AFG2A: variants seen among roughly 807,000 people sequenced by gnomAD.
The protein encoded by AFG2A is ATPase family gene 2 protein homolog A.
chr4:123,076,860 TC>T, the AFG2A span, among the ~76,000 whole-genome samples: 2,059 of 152,136 alleles, frequency 0.014, 49 homozygotes, highest in African/African-American at 0.047. Flanking sequence ...AATACTCCCA[TC>T]TAGATGTTTC....
chr4:123,157,641 G>T, the AFG2A span, among the ~76,000 whole-genome samples: 22 of 152,254 alleles, frequency 1.4e-4, no homozygotes, highest in East Asian at 9.7e-4. Flanking sequence ...GAGATTGAGC[G>T]TGTTCGGGGT....
At chr4:123,183,059 T>A in the AFG2A span, among the ~76,000 whole-genome samples, 1 of 152,204 alleles carries the variant, frequency 6.6e-6, no homozygotes, top group African/African-American at 2.4e-5. Flanking sequence ...CCAGACTTAT[T>A]AAATCAGAAT....
chr4:123,132,425 C>T, the AFG2A span, among the ~76,000 whole-genome samples: 4 of 151,868 alleles, frequency 2.6e-5, no homozygotes, highest in East Asian at 1.9e-4. Context: ...GTGATGTTTT[C>T]AGAGTTCATC....
At chr4:123,038,208 T>C in the AFG2A span, among the ~76,000 whole-genome samples, 4 of 152,112 alleles carry the variant, frequency 2.6e-5, no homozygotes, top group Admixed American at 2.6e-4. Flanking sequence ...GACAAATTAC[T>C]TCACCTCTTT....
At chr4:123,154,546 A>T in the AFG2A span, among the ~76,000 whole-genome samples, 2 of 152,178 alleles carry the variant, frequency 1.3e-5, no homozygotes, top group Non-Finnish European at 2.9e-5. Flanking sequence ...AAGAGTAAAA[A>T]CTGTCTGAAT....
chr4:123,062,547 A>G, the AFG2A span, among the ~76,000 whole-genome samples: 9 of 150,972 alleles, frequency 6.0e-5, no homozygotes, highest in African/African-American at 2.0e-4. Context: ...AGCTCTTACT[A>G]TGTAAGATAT....
At chr4:122,964,735 G>T in the AFG2A span, among the ~76,000 whole-genome samples, 2 of 152,224 alleles carry the variant, frequency 1.3e-5, no homozygotes, top group South Asian at 4.2e-4. Flanking sequence ...AAGTGATAGA[G>T]GGTTTGGAAT....
At chr4:123,031,121 A>C in the AFG2A span, among the ~76,000 whole-genome samples, 1 of 152,116 alleles carries the variant, frequency 6.6e-6, no homozygotes, top group African/African-American at 2.4e-5. Flanking sequence ...ATGTATGAGA[A>C]AATGGAGCCA....
chr4:122,959,874 C>T, the AFG2A span, among the ~76,000 whole-genome samples: 1 of 152,064 alleles, frequency 6.6e-6, no homozygotes, highest in African/African-American at 2.4e-5. Flanking sequence ...AACTTTGTTC[C>T]CATAATGAAT....
At chr4:123,288,039 G>GA in the AFG2A span, among the ~76,000 whole-genome samples, 1 of 152,018 alleles carries the variant, frequency 6.6e-6, no homozygotes, top group African/African-American at 2.4e-5. Context: ...GAGCCCAGTT[G>GA]AAAAAAAGTG....
At chr4:122,958,062 T>G in the AFG2A span, among the ~76,000 whole-genome samples, 1 of 152,198 alleles carries the variant, frequency 6.6e-6, no homozygotes, top group Non-Finnish European at 1.5e-5. Context: ...GGGAATCATC[T>G]CTTTTTTTCC....
chr4:123,018,094 TTTG>T, the AFG2A span, among the ~76,000 whole-genome samples: 19 of 152,328 alleles, frequency 1.2e-4, no homozygotes, highest in African/African-American at 3.8e-4. Flanking sequence ...AGTTTGAATT[TTTG>T]TTGTTGTTGT....
chr4:123,047,244 A>G, the AFG2A span, among the ~76,000 whole-genome samples: 1 of 152,206 alleles, frequency 6.6e-6, no homozygotes, highest in African/African-American at 2.4e-5. Flanking sequence ...CTTTCTCTGC[A>G]TCTTCTCCAG....
the AFG2A span, chr4:122,934,069 C>G: frequency 6.5e-7 from 1 of 1,531,884 alleles, no homozygotes; most frequent in African/African-American, 1.4e-5. Flanking sequence ...ATTATGCTAA[C>G]ATGTATATTT....
the AFG2A span, among the ~76,000 whole-genome samples, chr4:123,228,185 C>T: frequency 1.3e-4 from 19 of 151,902 alleles, no homozygotes; most frequent in Admixed American, 5.2e-4. Context: ...TTTGCCAGTC[C>T]GTGTATTTTA....
At chr4:123,085,495 T>C in the AFG2A span, among the ~76,000 whole-genome samples, 2 of 152,184 alleles carry the variant, frequency 1.3e-5, no homozygotes, top group African/African-American at 4.8e-5. Context: ...AAGTCTACTG[T>C]GTCTGGAATC....
At chr4:122,987,888 ACC>A in the AFG2A span, among the ~76,000 whole-genome samples, 1 of 151,990 alleles carries the variant, frequency 6.6e-6, no homozygotes, top group African/African-American at 2.4e-5. Context: ...TTGTATTCTT[ACC>A]TTTACAGGGG....
the AFG2A span, among the ~76,000 whole-genome samples, chr4:122,958,876 A>G: frequency 1.3e-5 from 2 of 152,222 alleles, no homozygotes; most frequent in African/African-American, 4.8e-5. Context: ...AGCTGGAGGC[A>G]GGATCTATAA....
chr4:123,177,907 A>T, the AFG2A span, among the ~76,000 whole-genome samples: 1 of 151,976 alleles, frequency 6.6e-6, no homozygotes, highest in African/African-American at 2.4e-5. Flanking sequence ...CTCTTTCTTA[A>T]TGGGCTGTGT....
Sources: allele counts gnomAD v4.1 joint callset (sites outside exome capture counted in the v4.1 genomes callset), GRCh38; gene constraint gnomAD v4.1.1; transcripts MANE v1.5; gene names NCBI Gene and HGNC (gene_info 2026-07-23, HGNC 2026-07-21).